The following PDE1A variants were observed in gnomAD, a reference collection of about 807,000 sequenced individuals.
The protein encoded by PDE1A is dual specificity calcium/calmodulin-dependent 3',5'-cyclic nucleotide phosphodiesterase 1A.
Under a neutral mutation model 61.7 loss-of-function variants are expected in PDE1A, and 35 were observed. The ratio of observed to expected loss-of-function variants is 0.57; its 90% CI spans 0.43 to 0.75. The LOEUF (loss-of-function observed/expected upper bound fraction) is 0.75. PDE1A is among the 30% of genes least tolerant of loss of function. PDE1A has a pLI of 0.00. For synonymous variants in PDE1A, 232 were observed against 213.2 expected, an observed-to-expected ratio of 1.09 and a Z score of -0.77; for missense variants, 597 against 630.6, an observed-to-expected ratio of 0.95 and a Z score of 0.57.
the PDE1A span, among the ~76,000 whole-genome samples, chr2:182,544,114 T>A: frequency 2.0e-5 from 3 of 152,190 alleles, no homozygotes; most frequent in Non-Finnish European, 4.4e-5. Flanking sequence ...TAAAAATAAG[T>A]GACCTGGTTC....
chr2:182,445,391 C>T (rs1357684104), intron 2 of PDE1A, among the ~76,000 whole-genome samples: 1 of 152,040 alleles, frequency 6.6e-6, no homozygotes, highest in Admixed American at 6.6e-5. Context: ...ATAAACATTC[C>T]ATTTTCCCAC....
intron 13 of PDE1A, among the ~76,000 whole-genome samples, chr2:182,170,292 T>G (rs1014510686): frequency 6.6e-6 from 1 of 152,106 alleles, no homozygotes; most frequent in African/African-American, 2.4e-5. Context: ...GCTGTAATTT[T>G]TTTTGTATAG....
intron 1 of PDE1A, among the ~76,000 whole-genome samples, chr2:182,401,781 T>C (rs147095806): frequency 2.4e-4 from 37 of 152,316 alleles, no homozygotes; most frequent in Non-Finnish European, 4.6e-4. Flanking sequence ...AAAACCTCAC[T>C]GTCTCAGCTC....
the PDE1A span, among the ~76,000 whole-genome samples, chr2:182,625,703 A>C: frequency 6.6e-6 from 1 of 152,196 alleles, no homozygotes; most frequent in Non-Finnish European, 1.5e-5. Flanking sequence ...AGTTCAGTTT[A>C]CATTGCTTTT....
At chr2:182,422,072 A>G (rs1482368050) in intron 1 of PDE1A, among the ~76,000 whole-genome samples, 1 of 152,228 alleles carries the variant, frequency 6.6e-6, no homozygotes, top group Non-Finnish European at 1.5e-5. Flanking sequence ...GAAGATCCCA[A>G]TATGATGTTC....
At chr2:182,649,910 CA>C in the PDE1A span, among the ~76,000 whole-genome samples, 1 of 151,220 alleles carries the variant, frequency 6.6e-6, no homozygotes, top group Non-Finnish European at 1.5e-5. Flanking sequence ...GCCCGGCCTA[CA>C]AAAAAATTTT....
intron 2 of PDE1A, among the ~76,000 whole-genome samples, chr2:182,250,859 G>T (rs1169495812): frequency 6.6e-6 from 1 of 152,152 alleles, no homozygotes; most frequent in Non-Finnish European, 1.5e-5. Flanking sequence ...GGAAGCAAAG[G>T]TGGAGGCAGT....
chr2:182,301,526 G>C (rs1695242733), intron 1 of PDE1A, among the ~76,000 whole-genome samples: 1 of 152,126 alleles, frequency 6.6e-6, no homozygotes, highest in Non-Finnish European at 1.5e-5. Context: ...AGTGGTGCAG[G>C]GGTGCTTTTA....
chr2:182,299,845 T>C (rs1482222333), intron 1 of PDE1A, among the ~76,000 whole-genome samples: 1 of 152,200 alleles, frequency 6.6e-6, no homozygotes, highest in East Asian at 1.9e-4. Context: ...CAATATAGTC[T>C]GAAGGGACCT....
chr2:182,650,078 C>T, the PDE1A span, among the ~76,000 whole-genome samples: 1 of 151,970 alleles, frequency 6.6e-6, no homozygotes, highest in African/African-American at 2.4e-5. Flanking sequence ...TAGAGCGAGA[C>T]TCTCTCTCCA....
the PDE1A span, among the ~76,000 whole-genome samples, chr2:182,599,503 C>T: frequency 6.6e-6 from 1 of 152,190 alleles, no homozygotes; most frequent in Non-Finnish European, 1.5e-5. Context: ...AAAGGACATA[C>T]ATCCCACCTC....
chr2:182,430,874 G>A (rs370647276), upstream of PDE1A, among the ~76,000 whole-genome samples: 5 of 114,722 alleles, frequency 4.4e-5, no homozygotes, highest in African/African-American at 9.7e-5. Flanking sequence ...ACCAAACACC[G>A]CATATTCTCA....
At chr2:182,527,323 AAAAAATATATATATATAT>A (rs1559543394), upstream of PDE1A, among the ~76,000 whole-genome samples, 44 of 41,076 alleles carry the variant, frequency 1.1e-3, 3 homozygotes, top group South Asian at 0.018. Context: ...AAAAAAAAAA[AAAAAATATATATATATAT>A]ATATATATAT....
At chr2:182,365,648 CTT>C (rs1416533279) in intron 1 of PDE1A, among the ~76,000 whole-genome samples, 4 of 151,978 alleles carry the variant, frequency 2.6e-5, no homozygotes, top group Admixed American at 2.6e-4. Flanking sequence ...CTCTCTCTCT[CTT>C]ACCAGTGTCT....
intron 1 of PDE1A, among the ~76,000 whole-genome samples, chr2:182,409,623 G>A (rs563491285): frequency 6.6e-6 from 1 of 152,232 alleles, no homozygotes; most frequent in Non-Finnish European, 1.5e-5. Flanking sequence ...TTCCTGATGG[G>A]CCTGTGGGTG....
At chr2:182,642,616 A>G in the PDE1A span, among the ~76,000 whole-genome samples, 1 of 152,120 alleles carries the variant, frequency 6.6e-6, no homozygotes, top group African/African-American at 2.4e-5. Context: ...GGTTGTTATG[A>G]AATTGGGGAA....
At chr2:182,452,710 T>C (rs769208246) in intron 2 of PDE1A, among the ~76,000 whole-genome samples, 1 of 152,164 alleles carries the variant, frequency 6.6e-6, no homozygotes. Flanking sequence ...CACAGTGAGC[T>C]GGAGGCCCAT....
chr2:182,627,478 G>A, the PDE1A span, among the ~76,000 whole-genome samples: 1 of 141,262 alleles, frequency 7.1e-6, no homozygotes, highest in East Asian at 2.0e-4. Context: ...GTCACTTTCA[G>A]TGCATTCAAG....
intron 1 of PDE1A, among the ~76,000 whole-genome samples, chr2:182,396,608 AT>A (rs1196883031): frequency 1.3e-5 from 2 of 152,110 alleles, no homozygotes; most frequent in Non-Finnish European, 2.9e-5. Context: ...TCTTCATTTT[AT>A]TTCCTTTCTT....
Sources: allele counts gnomAD v4.1 joint callset (sites outside exome capture counted in the v4.1 genomes callset), GRCh38; gene constraint gnomAD v4.1.1; transcripts MANE v1.5; gene names NCBI Gene and HGNC (gene_info 2026-07-23, HGNC 2026-07-21).